The following FBF1 variants were observed in gnomAD, a reference collection of about 807,000 sequenced individuals.
FBF1 encodes Fas binding factor 1.
Under a neutral mutation model 147.2 loss-of-function variants are expected in FBF1, and 119 were observed. The ratio of observed to expected loss-of-function variants is 0.81; its 90% CI spans 0.70 to 0.94. The LOEUF is 0.94. Ranked by LOEUF, FBF1 falls within the 40% of genes least tolerant of loss-of-function variation. The probability of loss-of-function intolerance (pLI) is 0.00; values close to 1 mark genes in which losing one functional copy is unlikely to be tolerated. For missense variants in FBF1, 1,449 were observed against 1,500.8 expected (o/e 0.97, Z 0.57); for synonymous variants, 601 against 609.0 (o/e 0.99, Z 0.19).
rs1202631227 is a variant in FBF1 at position 75,922,374 on chromosome 17, C to G, written c.1425-328G>C. On this transcript the variant is annotated intron_variant, in intron 14 of 29. Transcript: ENST00000636174. This position sits in a 1 kb window ranked among gnomAD's most constrained non-coding sequence, Gnocchi z 5.0. ...CCAGTCCACTTAACTTGGCTCAGCT[C>G]TAGATTAGGATTCTGCTCAGTCTAC... is the stretch of plus-strand genomic sequence containing the variant. Among the ~76,000 whole-genome samples the G allele has an allele frequency of 2.0e-5, 3 of 152,174 alleles. No homozygotes were observed. The highest frequency in any genetic ancestry group is 4.4e-5 in the Non-Finnish European group (3 of 68,028).
intron 25 of FBF1, 160 bp from the exon 26 acceptor site, chr17:75,914,458 G>A: frequency 1.7e-6 from 2 of 1,161,700 alleles, no homozygotes; most frequent in Non-Finnish European, 2.4e-6. Context: ...AAGCCGGAGT[G>A]CTGCCCTCAC....
Position 75,914,164 on chromosome 17 carries a change from C to A in FBF1, c.2949G>T (p.Leu983=). The change falls in exon 26 of 30, where the codon CTG becomes CTT. Residue 983 remains leucine (L), a synonymous_variant. Coordinates refer to ENST00000636174, the MANE Select transcript of FBF1 (RefSeq NM_001319193.2). ...LEKERINATA[L]RVKLRAEEVE... is the part of the protein sequence containing the mutation. Reference sequence around the variant, plus strand: ...CCTCCTCGGCGCGGAGCTTGACACGCAGGGCGGTGGCGTTGATCCTCTCCT... The same window carrying A: ...CCTCCTCGGCGCGGAGCTTGACACGAAGGGCGGTGGCGTTGATCCTCTCCT... 1 of 1,600,820 alleles carries A rather than the reference C, an allele frequency of 6.2e-7. No individual in the cohort carries two copies. The highest frequency in any genetic ancestry group is 8.5e-7 in the Non-Finnish European group (1 of 1,176,108).
intron 3 of FBF1, 35 bp from the exon 4 acceptor site, chr17:75,935,708 G>A (rs761755568): frequency 6.3e-5 from 97 of 1,528,876 alleles, no homozygotes; most frequent in Non-Finnish European, 8.5e-5. Flanking sequence ...GACTTCAGGA[G>A]GAAAGAAGAG....
rs376546796 is a variant in FBF1, at chr17:75,917,959, C to T, written c.2358G>A (p.Gly786=). The T allele has an allele frequency of 2.9e-5, 47 of 1,605,776 alleles. No individual in the cohort carries two copies. The highest frequency in any genetic ancestry group is 1.0e-4 in the South Asian group (9 of 90,262). The change falls in exon 22 of 30, where the codon GGG becomes GGA. Residue 786 remains glycine (G), a synonymous_variant. Coordinates refer to ENST00000636174, the MANE Select transcript of FBF1 (RefSeq NM_001319193.2). ...GCAGCTGCTCGTCACGCTGCCGGAT[C>T]CCCAGCTCCCGCTCCTGGGAGGTGG... is the stretch of plus-strand genomic sequence containing the variant. The part of the protein sequence containing the change: ...HLTTSQEREL[G]IRQRDEQLRA...
chr17:75,931,287 G>A lies in FBF1; in HGVS notation c.170C>T (p.Ser57Phe), dbSNP rs766818540. 11 of 1,582,090 alleles carry A rather than the reference G, an allele frequency of 7.0e-6. No individual in the cohort carries two copies. The South Asian group carries it at 1.2e-4, about 17-fold the overall frequency. ...MFPSSKARTK[S>F]LLGDDVFSTM... Reference sequence around the variant, plus strand: ...GCTGAAGACATCATCACCCAGGAGGGACCTGCAAAGGGGAGGCGTCAGCCC... The same window carrying A: ...GCTGAAGACATCATCACCCAGGAGGAACCTGCAAAGGGGAGGCGTCAGCCC... The change falls in exon 6 of 30, where the codon TCC (serine) becomes TTC (phenylalanine). Residue 57 changes from serine (S) to phenylalanine (F), a missense_variant and splice_region_variant. Ser to Phe is a radical substitution (Grantham distance 155). Coordinates refer to ENST00000636174, the MANE Select transcript of FBF1 (RefSeq NM_001319193.2).
Position 75,920,300 on chromosome 17 carries a change from C to A in FBF1, c.1804G>T (p.Ala602Ser), listed in dbSNP as rs751867382. Residue 602 changes from alanine (A) to serine (S), a missense_variant, in exon 18 of 30, where the codon GCC becomes TCC. Physicochemically the swap from Ala to Ser is moderately conservative, Grantham distance 99. Coordinates refer to ENST00000636174, the MANE Select transcript of FBF1 (RefSeq NM_001319193.2). ...TGGGCCTCCAGCTCTGCCAGCCGGG[C>A]CTGGCTATGCAGCAGCTCGGCCTGG... ...ELQAELLHSQARLAELEAQVR... is the reference protein window; with the variant it reads ...ELQAELLHSQSRLAELEAQVR... 4 of 1,611,054 alleles carry A rather than the reference C, an allele frequency of 2.5e-6. No individual in the cohort carries two copies. Among genetic ancestry groups the A allele is most frequent in the Non-Finnish European group, 3.4e-6 (4 of 1,179,146 alleles).
chr17:75,910,415 C>A lies in FBF1; in HGVS notation c.*308G>T. 2.5e-6 allele frequency: 1 copy of A among 396,392 alleles called. No individual in the cohort carries two copies. The highest frequency in any genetic ancestry group is 4.6e-6 in the Non-Finnish European group (1 of 215,808). The allele number at this position is 396,392 out of a possible 1,614,324, so 24.6% of individuals were successfully genotyped here. A position where few individuals can be genotyped will look rare whatever the true frequency, so the allele number is the denominator to read the frequency against. Reference sequence around the variant, plus strand: ...GGAGCCCACAGAGCCCAGGGGGAGCCCACAGAGCCCAGTGAGAGCTGGGGG... The same window carrying A: ...GGAGCCCACAGAGCCCAGGGGGAGCACACAGAGCCCAGTGAGAGCTGGGGG... On this transcript the variant is annotated 3_prime_UTR_variant, in exon 30 of 30. Coordinates refer to ENST00000636174, the MANE Select transcript of FBF1 (RefSeq NM_001319193.2). This position sits in a 1 kb window ranked among gnomAD's most constrained non-coding sequence, Gnocchi z 4.1.
rs549518130 is a variant in FBF1, at chr17:75,910,663, G to T, written c.*60C>A. On this transcript the variant is annotated 3_prime_UTR_variant, in exon 30 of 30. Transcript: ENST00000636174. The surrounding 1 kb of genome is among the most constrained non-coding windows in gnomAD (Gnocchi z 4.1). ...AGGCACTGCCTCCATGGAGGCAGCC[G>T]GAGGAACAGGACAGTTCTGGGGTCC... 1 of 1,473,206 alleles carries T rather than the reference G, an allele frequency of 6.8e-7. No individual in the cohort carries two copies. Among genetic ancestry groups the T allele is most frequent in the African/African-American group, 1.4e-5 (1 of 71,650 alleles). 91.3% of individuals were successfully genotyped at this position (1,473,206 alleles called of 1,614,324 possible). A position where few individuals can be genotyped will look rare whatever the true frequency, so the allele number is the denominator to read the frequency against.
Position 75,926,852 on chromosome 17 carries a change from A to G in FBF1, c.501T>C (p.Leu167=), listed in dbSNP as rs368063858. The change falls in exon 10 of 30, where the codon CTT becomes CTC. Residue 167 remains leucine (L), a synonymous_variant. Coordinates refer to ENST00000636174, the MANE Select transcript of FBF1 (RefSeq NM_001319193.2). Reference sequence around the variant, plus strand: ...TGATTCCTCCTTCATCATAGGAGAGAAGTCCTCTCAATGGGTCTTCCAAGT... The same window carrying G: ...TGATTCCTCCTTCATCATAGGAGAGGAGTCCTCTCAATGGGTCTTCCAAGT... ...SEDLEDPLRG[L]LSYDEGGITK... is the part of the protein sequence containing the mutation. 6.2e-6 allele frequency: 10 copies of G among 1,613,054 alleles called. 1 individual carries two copies. Among genetic ancestry groups the G allele is most frequent in the Non-Finnish European group, 8.5e-6 (10 of 1,179,608 alleles).
At chr17:75,920,676 C>A (rs2065520173) in intron 17 of FBF1, among the ~76,000 whole-genome samples, 1 of 152,216 alleles carries the variant, frequency 6.6e-6, no homozygotes, top group Non-Finnish European at 1.5e-5. Context: ...AGCATGGTCT[C>A]CGGCTTCCCA....
At chr17:75,937,957 C>CA (rs749617604) in intron 2 of FBF1, 190 bp downstream of exon 2, 12 of 788,312 alleles carry the variant, frequency 1.5e-5, no homozygotes, top group Middle Eastern at 2.6e-4. Context: ...GCTGGACACT[C>CA]AGAGTCTCAG....
intron 9 of FBF1, among the ~76,000 whole-genome samples, 191 bp downstream of exon 9, chr17:75,927,264 G>T (rs932985100): frequency 6.6e-6 from 1 of 152,214 alleles, no homozygotes; most frequent in African/African-American, 2.4e-5. Flanking sequence ...TGGCTTTAAG[G>T]TCTTTGCAAA....
chr17:75,927,949 C>A, intron 8 of FBF1, 127 bp downstream of exon 8: 1 of 725,236 alleles, frequency 1.4e-6, no homozygotes, highest in South Asian at 1.8e-5. Context: ...CTTGGCCTCT[C>A]CATCCTGTGC....
chr17:75,915,720 T>C (rs776547899), intron 23 of FBF1, among the ~76,000 whole-genome samples: 1 of 150,490 alleles, frequency 6.6e-6, no homozygotes, highest in South Asian at 2.1e-4. Flanking sequence ...TTAAAAACAT[T>C]TTTTTGGGCC....
At position 75,928,502 on chromosome 17, in the gene FBF1, C is replaced by CT. The variant is rs952970030; in HGVS notation, c.280-310dup. On this transcript the variant is annotated intron_variant, in intron 7 of 29. Transcript: ENST00000636174. The surrounding 1 kb of genome is among the most constrained non-coding windows in gnomAD (Gnocchi z 4.2). ...TGGCTGGTCTCGGGAAAAAAGCTTTCTTTTTTTTCTTTTTTTAGACAGGAT... is the reference window on the plus strand; with the variant it reads ...TGGCTGGTCTCGGGAAAAAAGCTTTCTTTTTTTTTCTTTTTTTAGACAGGAT... Among the ~76,000 whole-genome samples, 6 of 151,990 alleles carry CT rather than the reference C, an allele frequency of 3.9e-5. No homozygotes were observed. The East Asian group carries it at 5.8e-4, about 15-fold the overall frequency.
In FBF1 at chr17:75,915,117, T is replaced by C; in HGVS notation, c.2528A>G (p.Glu843Gly). ...CTGCATGGACTCCGCCTTGGACTGC[T>C]CGGCAGTCACCCGCCAGCGTTCCTG... ...LEQERWRVTAEQSKAESMQRA... is the reference protein window; with the variant it reads ...LEQERWRVTAGQSKAESMQRA... Residue 843 changes from glutamate to glycine, a missense_variant, in exon 24 of 30, where the codon GAG (glutamate) becomes GGG (glycine). Transcript: ENST00000636174. 1.9e-6 allele frequency: 3 copies of C among 1,609,490 alleles called. No homozygotes were observed. The highest frequency in any genetic ancestry group is 2.5e-6 in the Non-Finnish European group (3 of 1,179,184).
At chr17:75,924,192 C>T (rs774162727) in intron 13 of FBF1, among the ~76,000 whole-genome samples, 89 of 151,808 alleles carry the variant, frequency 5.9e-4, no homozygotes, top group Middle Eastern at 3.4e-3. Flanking sequence ...CCAGCCTGGG[C>T]GACAGAGTGA....
chr17:75,925,427 A>G lies in FBF1; in HGVS notation c.888T>C (p.Gly296=), dbSNP rs1362692866. Residue 296 remains glycine (G), a synonymous_variant, in exon 13 of 30, where the codon GGT becomes GGC. Transcript: ENST00000636174. The surrounding 1 kb of genome is among the most constrained non-coding windows in gnomAD (Gnocchi z 5.0). ...QRPQDSEDMW[G]DEDFTFGAYQ... ...AGGCTCCAAAGGTGAAGTCCTCGTC[A>G]CCCCACATATCTTCACTGTCTGTGA... is the stretch of plus-strand genomic sequence containing the variant. The G allele has an allele frequency of 6.2e-7, 1 of 1,613,366 alleles. No individual in the cohort carries two copies. The highest frequency in any genetic ancestry group is 1.7e-4 in the Middle Eastern group (1 of 6,058).
intron 4 of FBF1, among the ~76,000 whole-genome samples, chr17:75,934,752 G>A (rs982043867): frequency 6.6e-6 from 1 of 151,552 alleles, no homozygotes; most frequent in Non-Finnish European, 1.5e-5. Context: ...GGTGGCGAGC[G>A]CCTGTAATCC....
Sources: allele counts gnomAD v4.1 joint callset (sites outside exome capture counted in the v4.1 genomes callset), GRCh38; gene constraint gnomAD v4.1.1; non-coding constraint Gnocchi (gnomAD v3.1); transcripts MANE v1.5; gene names NCBI Gene and HGNC (gene_info 2026-07-23, HGNC 2026-07-21).